The following NPEPPS variants were observed in gnomAD, a reference collection of about 807,000 sequenced individuals.
NPEPPS encodes the protein aminopeptidase puromycin sensitive.
NPEPPS carries 14 observed loss-of-function variants against 115.5 expected under a neutral mutation model. The observed-to-expected ratio is 0.12, with a 90% CI of 0.08 to 0.19. NPEPPS has a LOEUF of 0.19. Among genes scored for constraint, NPEPPS ranks in the 10% least tolerant of loss-of-function variants. NPEPPS has a pLI of 1.00. For synonymous variants in NPEPPS, 285 were observed against 390.6 expected, an observed-to-expected ratio of 0.73 and a Z score of 3.19; for missense variants, 523 against 1,110.8, an observed-to-expected ratio of 0.47 and a Z score of 7.52.
intron 14 of NPEPPS, among the ~76,000 whole-genome samples, chr17:47,600,420 G>C (rs375353874): frequency 6.6e-6 from 1 of 152,088 alleles, no homozygotes; most frequent in Non-Finnish European, 1.5e-5. Flanking sequence ...TGGGTGACAC[G>C]GCGAGACCCT....
At chr17:47,591,014 T>TA in intron 10 of NPEPPS, 133 bp downstream of exon 10, 2 of 1,356,958 alleles carry the variant, frequency 1.5e-6, no homozygotes, top group South Asian at 3.2e-5. Context: ...TTCATATTTC[T>TA]AGTCTTGAAA....
intron 3 of NPEPPS, chr17:47,577,014 TACTTTA>T (rs1268640832): frequency 6.1e-6 from 2 of 329,456 alleles, no homozygotes; most frequent in Non-Finnish European, 1.2e-5. Context: ...GATTTTTAAA[TACTTTA>T]ACTTGTGTTT....
At position 47,622,720 on chromosome 17, in the gene NPEPPS, TTC is replaced by T. The variant is rs1914661359; in HGVS notation, c.*802_*803del. Reference sequence around the variant, plus strand: ...AGAGAAACTGATATACATTATTTTTTTCTTTTTAAAGATGACTTATAAGAACC... The same window carrying T: ...AGAGAAACTGATATACATTATTTTTTTTTTTAAAGATGACTTATAAGAACC... On this transcript the variant is annotated 3_prime_UTR_variant, in exon 23 of 23. Coordinates refer to ENST00000322157, the MANE Select transcript of NPEPPS (RefSeq NM_006310.4). The T allele has an allele frequency of 2.5e-6, 1 of 393,032 alleles. No homozygotes were observed. Among genetic ancestry groups the T allele is most frequent in the African/African-American group, 2.1e-5 (1 of 46,664 alleles). The allele number at this position is 393,032 out of a possible 1,614,324, so 24.3% of individuals were successfully genotyped here. A position where few individuals can be genotyped will look rare whatever the true frequency, so the allele number is the denominator to read the frequency against.
chr17:47,570,337 G>T (rs567015934), intron 3 of NPEPPS, among the ~76,000 whole-genome samples: 14 of 152,238 alleles, frequency 9.2e-5, no homozygotes, highest in African/African-American at 3.1e-4. Flanking sequence ...CAAGAAAATC[G>T]CCAGAAGCCA....
chr17:47,539,509 A>T (rs1249541885), intron 1 of NPEPPS, among the ~76,000 whole-genome samples: 1 of 134,904 alleles, frequency 7.4e-6, no homozygotes, highest in East Asian at 2.3e-4. Context: ...CATTTTCATC[A>T]GACTGTGCAT....
chr17:47,573,155 T>C lies in NPEPPS; in HGVS notation c.418+3661T>C, dbSNP rs567663964. Among the ~76,000 whole-genome samples, 6 of 152,266 alleles carry C rather than the reference T, an allele frequency of 3.9e-5. No homozygotes were observed. The East Asian group carries it at 9.6e-4, about 24-fold the overall frequency. Reference sequence around the variant, plus strand: ...GCCTTCAGTTTGCAAAGGTACACCATTGAGAGAGACTAGCTTAAAAAATGT... The same window carrying C: ...GCCTTCAGTTTGCAAAGGTACACCACTGAGAGAGACTAGCTTAAAAAATGT... On this transcript the variant is annotated intron_variant, in intron 3 of 22. Coordinates refer to ENST00000322157, the MANE Select transcript of NPEPPS (RefSeq NM_006310.4).
At position 47,622,211 on chromosome 17, in the gene NPEPPS, A is replaced by G; in HGVS notation, c.*291A>G. ...CTTTCTGAAGCCTTGTCAGTGGTTAAAAGTATTTAACACTCTACTGTTAAT... is the reference window on the plus strand; with the variant it reads ...CTTTCTGAAGCCTTGTCAGTGGTTAGAAGTATTTAACACTCTACTGTTAAT... On this transcript the variant is annotated 3_prime_UTR_variant, in exon 23 of 23. Transcript: ENST00000322157. 1 of 537,796 alleles carries G rather than the reference A, an allele frequency of 1.9e-6. No homozygotes were observed. The highest frequency in any genetic ancestry group is 6.3e-5 in the South Asian group (1 of 16,000). 33.3% of individuals were successfully genotyped at this position (537,796 alleles called of 1,614,324 possible).
In NPEPPS at chr17:47,540,504, C is replaced by G. The variant is rs1367378380; in HGVS notation, c.256-5405C>G. 2.0e-5 allele frequency among the ~76,000 whole-genome samples: 3 copies of G among 152,204 alleles called. No homozygotes were observed. In the East Asian group the frequency reaches 5.8e-4, roughly 29 times the overall value. Reference sequence around the variant, plus strand: ...GCACTACTGTTTGGAAGAGCAGCATCACAATGAGCAGTGTTATACTGCGTT... The same window carrying G: ...GCACTACTGTTTGGAAGAGCAGCATGACAATGAGCAGTGTTATACTGCGTT... On this transcript the variant is annotated intron_variant, in intron 1 of 22. Coordinates refer to ENST00000322157, the MANE Select transcript of NPEPPS (RefSeq NM_006310.4).
upstream of NPEPPS, among the ~76,000 whole-genome samples, chr17:47,528,385 C>T (rs950167246): frequency 2.0e-5 from 3 of 152,012 alleles, no homozygotes; most frequent in African/African-American, 4.8e-5. Context: ...TAAGAAAAGG[C>T]CCCATCTCAC....
intron 3 of NPEPPS, among the ~76,000 whole-genome samples, chr17:47,571,866 A>G (rs1911214726): frequency 6.6e-6 from 1 of 152,172 alleles, no homozygotes; most frequent in African/African-American, 2.4e-5. Flanking sequence ...ATATAAATTT[A>G]TGTATATAAT....
chr17:47,541,955 A>G (rs1248173011), intron 1 of NPEPPS, among the ~76,000 whole-genome samples: 1 of 152,154 alleles, frequency 6.6e-6, no homozygotes, highest in Non-Finnish European at 1.5e-5. Flanking sequence ...CTCATTATAG[A>G]CTTTGTAATT....
In NPEPPS at chr17:47,599,660, T is replaced by C. The variant is rs1475865960; in HGVS notation, c.1537-16T>C. On this transcript the variant is annotated splice_polypyrimidine_tract_variant and intron_variant, in intron 13 of 22. Transcript: ENST00000322157. ...ATGGTGTCAGTACTATTATAGCCTT[T>C]GTTTTGCTTCTTTAGGTAGAAGATG... 4 of 1,554,604 alleles carry C rather than the reference T, an allele frequency of 2.6e-6. No individual in the cohort carries two copies. In the South Asian group the frequency reaches 4.7e-5, roughly 18 times the overall value.
chr17:47,592,818 G>T (rs114428305), intron 12 of NPEPPS: 4 of 317,420 alleles, frequency 1.3e-5, no homozygotes, highest in Non-Finnish European at 2.4e-5. Context: ...TGTTACGTCA[G>T]TATACATGTG....
At chr17:47,548,235 T>G (rs1250881195) in intron 2 of NPEPPS, 2 of 152,206 alleles carry the variant, frequency 1.3e-5, no homozygotes, top group African/African-American at 2.4e-5. Flanking sequence ...AAGAAGTACT[T>G]AAGTTCAATT....
chr17:47,550,306 G>T (rs4794370), intron 2 of NPEPPS, among the ~76,000 whole-genome samples: 1 of 147,418 alleles, frequency 6.8e-6, no homozygotes, highest in Non-Finnish European at 1.5e-5. Flanking sequence ...AGTCATCCTT[G>T]AAAGACCTAT....
chr17:47,577,839 C>T lies in NPEPPS; in HGVS notation c.419-1551C>T, dbSNP rs536081661. On this transcript the variant is annotated intron_variant, in intron 3 of 22. Coordinates refer to ENST00000322157, the MANE Select transcript of NPEPPS (RefSeq NM_006310.4). Reference sequence around the variant, plus strand: ...ACTTATTCTGTAGACTCGCACTCCCCATAACTTTTGGTCCTTTCCAAAAGC... The same window carrying T: ...ACTTATTCTGTAGACTCGCACTCCCTATAACTTTTGGTCCTTTCCAAAAGC... Among the ~76,000 whole-genome samples, 456 of 152,298 alleles carry T rather than the reference C, an allele frequency of 3.0e-3. 1 individual carries two copies. Among genetic ancestry groups the T allele is most frequent in the Admixed American group, 5.0e-3 (77 of 15,290 alleles).
At chr17:47,555,824 C>T (rs1909970790) in intron 2 of NPEPPS, among the ~76,000 whole-genome samples, 1 of 151,648 alleles carries the variant, frequency 6.6e-6, no homozygotes, top group Non-Finnish European at 1.5e-5. Flanking sequence ...CCAGGCTGGT[C>T]CAAGGGCCAA....
intron 15 of NPEPPS, chr17:47,603,688 A>G (rs1567867282): frequency 4.9e-6 from 2 of 404,116 alleles, no homozygotes; most frequent in Non-Finnish European, 8.8e-6. Context: ...TGTTCTTTCT[A>G]CTGTCCCTCA....
In NPEPPS at chr17:47,613,716, T is replaced by A; in HGVS notation, c.2286T>A (p.Ile762=). 6.2e-7 allele frequency: 1 copy of A among 1,610,064 alleles called. No individual in the cohort carries two copies. The highest frequency in any genetic ancestry group is 8.5e-7 in the Non-Finnish European group (1 of 1,178,308). ...ATGGTGATGGCACTACTTTAGATAT[T>A]ATGTTAAAAGTAAGTATATTTGAGA... ...LKHGDGTTLD[I]MLKLHKQADM... is the part of the protein sequence containing the mutation. Residue 762 remains isoleucine, a synonymous_variant, in exon 19 of 23, where the codon ATT becomes ATA. Coordinates refer to ENST00000322157, the MANE Select transcript of NPEPPS (RefSeq NM_006310.4).
Sources: gnomAD v4.1 joint callset for allele counts (sites outside exome capture counted in the v4.1 genomes callset) on GRCh38, gnomAD v4.1.1 for gene constraint, MANE v1.5 for transcripts, NCBI Gene and HGNC (gene_info 2026-07-23, HGNC 2026-07-21) for gene names.